The following UTP14A variants were observed in gnomAD, a reference collection of about 807,000 sequenced individuals.
UTP14A encodes UTP14A small subunit processome component, also known as U3 small nucleolar RNA-associated protein 14 homolog A.
UTP14A carries 5 observed loss-of-function variants against 57.2 expected under a neutral mutation model. The ratio of observed to expected loss-of-function variants is 0.09; its 90% CI spans 0.05 to 0.18. The LOEUF is 0.18. Among genes scored for constraint, UTP14A ranks in the 10% least tolerant of loss-of-function variants. The pLI is 1.00. For missense variants in UTP14A, 430 were observed against 562.1 expected, an observed-to-expected ratio of 0.76 and a Z score of 2.38; for synonymous variants, 169 against 210.9, an observed-to-expected ratio of 0.80 and a Z score of 1.72.
chrX:129,911,001 T>C lies in UTP14A; in HGVS notation c.239-7T>C. The C allele has an allele frequency of 1.7e-6, 2 of 1,210,360 alleles. No individual in the cohort carries two copies. The highest frequency in any genetic ancestry group is 3.0e-5 in the East Asian group (1 of 33,828). On this transcript the variant is annotated splice_polypyrimidine_tract_variant and splice_region_variant and intron_variant, in intron 4 of 14. Coordinates refer to ENST00000394422, the MANE Select transcript of UTP14A (RefSeq NM_006649.4). ...TGGTCTGACCAGAAAGTTTGACCTT[T>C]CCACAGGATCAGGAGAAAAGCTGGT...
At position 129,907,681 on chromosome X, in the gene UTP14A, G is replaced by A. The variant is rs371447662; in HGVS notation, c.102+239G>A. On this transcript the variant is annotated intron_variant, in intron 2 of 14. Transcript: ENST00000394422. ...TTATAAGACCAACCAAAACAGGCCC[G>A]GGTGATGGCTCATGCCTGTAATCCC... is the stretch of plus-strand genomic sequence containing the variant. Among the ~76,000 whole-genome samples, 42 of 112,520 alleles carry A rather than the reference G, an allele frequency of 3.7e-4. 1 individual carries two copies. Among genetic ancestry groups the A allele is most frequent in the Admixed American group, 2.6e-3 (27 of 10,573 alleles).
chrX:129,906,475 C>T (rs1026838553), intron 1 of UTP14A, among the ~76,000 whole-genome samples: 2 of 111,907 alleles, frequency 1.8e-5, no homozygotes, highest in African/African-American at 6.5e-5. Context: ...TTTCTGCCTC[C>T]CCAGCTCATT....
At chrX:129,909,500 T>C (rs910210042) in intron 4 of UTP14A, among the ~76,000 whole-genome samples, 6 of 111,523 alleles carry the variant, frequency 5.4e-5, no homozygotes, top group African/African-American at 6.5e-5. Flanking sequence ...TGAGCCACCG[T>C]GCGCGGCCTC....
chrX:129,926,369 T>C lies in UTP14A; in HGVS notation c.2043+30T>C, dbSNP rs191406553. On this transcript the variant is annotated intron_variant, in intron 14 of 14. Transcript: ENST00000394422. ...GAGCTTAGAGAGCTCTTTAGCTGCC[T>C]GCTTGTTACTGCCTGGCTCTCTTGC... The C allele has an allele frequency of 1.9e-4, 216 of 1,131,579 alleles. No individual in the cohort carries two copies. In the Middle Eastern group the frequency reaches 2.6e-3, roughly 14 times the overall value. 93.3% of individuals were successfully genotyped at this position (1,131,579 alleles called of 1,213,427 possible).
At chrX:129,908,811 T>C (rs1165845064) in intron 4 of UTP14A, 77 bp downstream of exon 4, 12 of 975,807 alleles carry the variant, frequency 1.2e-5, no homozygotes, top group South Asian at 2.0e-5. Flanking sequence ...TCACCCCCCC[T>C]AGGAACTGTT....
chrX:129,925,848 G>A, intron 12 of UTP14A, 71 bp from the exon 13 acceptor site: 1 of 1,165,200 alleles, frequency 8.6e-7, no homozygotes, highest in South Asian at 1.9e-5. Flanking sequence ...GTCACGACCC[G>A]AAATTCAAGC....
In UTP14A at chrX:129,929,677, G is replaced by T; in HGVS notation, c.*69G>T. 1 of 1,143,449 alleles carries T rather than the reference G, an allele frequency of 8.7e-7. No individual in the cohort carries two copies. Among genetic ancestry groups the T allele is most frequent in the Non-Finnish European group, 1.2e-6 (1 of 850,773 alleles). 94.2% of individuals were successfully genotyped at this position (1,143,449 alleles called of 1,213,427 possible). ...TTGGTCCAGTTTTACTCTGATACAGGGTGGATTCCAAAACTGGCTCAGTAC... is the reference window on the plus strand; with the variant it reads ...TTGGTCCAGTTTTACTCTGATACAGTGTGGATTCCAAAACTGGCTCAGTAC... On this transcript the variant is annotated 3_prime_UTR_variant, in exon 15 of 15. Coordinates refer to ENST00000394422, the MANE Select transcript of UTP14A (RefSeq NM_006649.4).
chrX:129,926,176 TCCCTA>T, intron 13 of UTP14A, 59 bp from the exon 14 acceptor site: 2 of 1,207,842 alleles, frequency 1.7e-6, no homozygotes, highest in Non-Finnish European at 2.2e-6. Flanking sequence ...TTCGGTGTCC[TCCCTA>T]CCCTTTTGAC....
intron 4 of UTP14A, 71 bp downstream of exon 4, chrX:129,908,805 C>A: frequency 3.0e-6 from 3 of 1,010,210 alleles, no homozygotes; most frequent in Non-Finnish European, 4.2e-6. Flanking sequence ...TTCACCTCAC[C>A]CCCCCTAGGA....
At chrX:129,911,637 TCATCCTGATTCTAG>T (rs1929472815) in intron 5 of UTP14A, 115 bp from the exon 6 acceptor site, 2 of 790,416 alleles carry the variant, frequency 2.5e-6, no homozygotes, top group Admixed American at 2.9e-5. Flanking sequence ...CCTGATTCTT[TCATCCTGATTCTAG>T]CATCCTGATT....
At chrX:129,918,021 G>C (rs773715288) in intron 6 of UTP14A, among the ~76,000 whole-genome samples, 1 of 111,924 alleles carries the variant, frequency 8.9e-6, no homozygotes, top group Non-Finnish European at 1.9e-5. Context: ...AAAAAAGTTG[G>C]GCTTCCCCTC....
chrX:129,917,709 A>G (rs1278317968), intron 6 of UTP14A, among the ~76,000 whole-genome samples: 2 of 111,481 alleles, frequency 1.8e-5, no homozygotes, highest in Non-Finnish European at 3.8e-5. Context: ...TTTTAACATA[A>G]TAAATAGAGA....
chrX:129,915,137 C>A (rs1335961694), intron 6 of UTP14A, among the ~76,000 whole-genome samples: 1 of 112,032 alleles, frequency 8.9e-6, no homozygotes, highest in Non-Finnish European at 1.9e-5. Context: ...ATCGCTTGAA[C>A]CCAGGAGGCG....
intron 6 of UTP14A, among the ~76,000 whole-genome samples, chrX:129,914,745 AC>A (rs1929615749): frequency 8.9e-6 from 1 of 112,062 alleles, no homozygotes; most frequent in South Asian, 3.6e-4. Flanking sequence ...AACTTCTTTC[AC>A]CCCTCTCCTC....
intron 6 of UTP14A, 108 bp downstream of exon 6, chrX:129,912,029 T>C: frequency 1.0e-6 from 1 of 999,603 alleles, no homozygotes; most frequent in Non-Finnish European, 1.4e-6. Context: ...GCATAAGTCA[T>C]TTTAGCTTAG....
Position 129,924,781 on chromosome X carries a change from C to T in UTP14A, c.1349-14C>T. 8.4e-7 allele frequency: 1 copy of T among 1,189,225 alleles called. No homozygotes were observed. Among genetic ancestry groups the T allele is most frequent in the Non-Finnish European group, 1.1e-6 (1 of 888,110 alleles). ...ACCTCATTTTCTGACAGTTTTCATT[C>T]TTTTTTCCCCCAGATTCTGGCAGCC... On this transcript the variant is annotated splice_polypyrimidine_tract_variant and intron_variant, in intron 11 of 14. Coordinates refer to ENST00000394422, the MANE Select transcript of UTP14A (RefSeq NM_006649.4).
intron 4 of UTP14A, among the ~76,000 whole-genome samples, chrX:129,910,401 G>C (rs1033015591): frequency 5.4e-5 from 6 of 111,279 alleles, no homozygotes; most frequent in Non-Finnish European, 9.4e-5. Flanking sequence ...AGATAATTTT[G>C]GGCTGGATAC....
At chrX:129,921,973 C>T in intron 11 of UTP14A, 1 of 134,652 alleles carries the variant, frequency 7.4e-6, no homozygotes, top group Non-Finnish European at 1.5e-5. Context: ...CCTGTAGACA[C>T]AGATAGGTCA....
Position 129,925,160 on chromosome X carries a change from G to A in UTP14A, c.1714G>A (p.Val572Met), listed in dbSNP as rs1237514427. The A allele has an allele frequency of 1.3e-5, 16 of 1,209,091 alleles. No homozygotes were observed. Among genetic ancestry groups the A allele is most frequent in the Non-Finnish European group, 1.8e-5 (16 of 894,949 alleles). The change falls in exon 12 of 15, where the codon GTG becomes ATG. Residue 572 changes from valine to methionine, a missense_variant. Coordinates refer to ENST00000394422, the MANE Select transcript of UTP14A (RefSeq NM_006649.4). ...CCTCCTAACCACACAATCTCCCTCCGTGAAGTCTTTGGCAGTTCCCACAAT... is the reference window on the plus strand; with the variant it reads ...CCTCCTAACCACACAATCTCCCTCCATGAAGTCTTTGGCAGTTCCCACAAT... Reference protein sequence around the residue: ...QNLLTTQSPSVKSLAVPTIEE... With the variant: ...QNLLTTQSPSMKSLAVPTIEE...
Sources: gnomAD v4.1 joint callset for allele counts (sites outside exome capture counted in the v4.1 genomes callset) on GRCh38, gnomAD v4.1.1 for gene constraint, MANE v1.5 for transcripts, NCBI Gene and HGNC (gene_info 2026-07-23, HGNC 2026-07-21) for gene names.